Variants in RANBP9 observed in about 807,000 individuals in gnomAD.
The protein encoded by RANBP9 is ran-binding protein 9.
In RANBP9, 15 loss-of-function variants were observed where a neutral mutation model predicts 84.3. That is an observed-to-expected ratio of 0.18 (90% CI 0.12 to 0.27). RANBP9 has a LOEUF of 0.27. RANBP9 is among the 10% of genes least tolerant of loss of function. The probability of loss-of-function intolerance (pLI) is 1.00; values close to 1 mark genes in which losing one functional copy is unlikely to be tolerated. For missense variants in RANBP9, 809 were observed against 912.8 expected (o/e 0.89, Z 1.46); for synonymous variants, 392 against 349.6 (o/e 1.12, Z -1.35).
At chr6:13,697,455 C>T (rs1353513919) in intron 1 of RANBP9, among the ~76,000 whole-genome samples, 2 of 152,180 alleles carry the variant, frequency 1.3e-5, no homozygotes, top group African/African-American at 2.4e-5. Flanking sequence ...CATAAAATCT[C>T]TTGGGCCAAT....
chr6:13,649,276 T>G lies in RANBP9; in HGVS notation c.927+3383A>C, dbSNP rs968166447. On this transcript the variant is annotated intron_variant, in intron 5 of 13. Transcript: ENST00000011619. ...ACTGTACCCATTGTTACAACAAAGT[T>G]GCACATGATCATTGGCTACCTGAGG... 3.3e-5 allele frequency among the ~76,000 whole-genome samples: 5 copies of G among 152,204 alleles called. No individual in the cohort carries two copies. The East Asian group carries it at 9.7e-4, about 29-fold the overall frequency.
intron 2 of RANBP9, among the ~76,000 whole-genome samples, chr6:13,676,644 T>A (rs943300227): frequency 1.3e-5 from 2 of 151,910 alleles, no homozygotes; most frequent in African/African-American, 4.8e-5. Flanking sequence ...TAAATTAAAA[T>A]TTTAAAAAAA....
At chr6:13,638,860 G>C (rs114126220) in intron 9 of RANBP9, among the ~76,000 whole-genome samples, 5 of 152,136 alleles carry the variant, frequency 3.3e-5, no homozygotes, top group Admixed American at 1.3e-4. Flanking sequence ...GGTTGGGGGT[G>C]GGGGGAGAGG....
intron 3 of RANBP9, among the ~76,000 whole-genome samples, chr6:13,658,534 C>T (rs1765462547): frequency 1.3e-5 from 2 of 152,146 alleles, no homozygotes; most frequent in African/African-American, 4.8e-5. Context: ...CGCTTGATCC[C>T]AGGAGGCAGA....
intron 5 of RANBP9, among the ~76,000 whole-genome samples, chr6:13,648,773 G>T (rs996642570): frequency 3.9e-5 from 6 of 152,130 alleles, no homozygotes; most frequent in Non-Finnish European, 8.8e-5. Context: ...TCAGTGCCCA[G>T]AATTCGAAAA....
chr6:13,691,944 G>A (rs1317093057), intron 2 of RANBP9, among the ~76,000 whole-genome samples: 5 of 152,162 alleles, frequency 3.3e-5, no homozygotes, highest in African/African-American at 7.2e-5. Flanking sequence ...AAAGGCTAGA[G>A]CCACTGTGCC....
intron 2 of RANBP9, among the ~76,000 whole-genome samples, chr6:13,693,576 G>A (rs1292542183): frequency 6.6e-6 from 1 of 151,956 alleles, no homozygotes; most frequent in Non-Finnish European, 1.5e-5. Context: ...GTGAAACCCC[G>A]ACTCTACTAA....
At chr6:13,680,048 T>C (rs1269463324) in intron 2 of RANBP9, among the ~76,000 whole-genome samples, 1 of 152,034 alleles carries the variant, frequency 6.6e-6, no homozygotes, top group Non-Finnish European at 1.5e-5. Context: ...GGAAAGAGAA[T>C]GGAGGAAATT....
At chr6:13,710,875 G>A (rs1454532595) in intron 1 of RANBP9, 60 bp downstream of exon 1, 1 of 1,508,700 alleles carries the variant, frequency 6.6e-7, no homozygotes, top group Non-Finnish European at 8.9e-7. Flanking sequence ...GAGCGGCGCA[G>A]CGGCGGCCGG....
chr6:13,707,653 C>G (rs1758160302), intron 1 of RANBP9, among the ~76,000 whole-genome samples: 1 of 152,200 alleles, frequency 6.6e-6, no homozygotes, highest in Non-Finnish European at 1.5e-5. Context: ...CCTCCAGGTT[C>G]TACCACTCTC....
rs186241724 is a variant in RANBP9, at chr6:13,637,124, G to T, written c.1673+684C>A. On this transcript the variant is annotated intron_variant, in intron 10 of 13. Coordinates refer to ENST00000011619, the MANE Select transcript of RANBP9 (RefSeq NM_005493.3). ...ATAATGTCACTTCATGAACTTTTAG[G>T]TTTCATAAATATTAAACCTGAGTAT... 3.7e-4 allele frequency among the ~76,000 whole-genome samples: 57 copies of T among 152,156 alleles called. No individual in the cohort carries two copies. In the East Asian group the frequency reaches 6.4e-3, roughly 17 times the overall value.
At chr6:13,649,607 T>C (rs1765250037) in intron 5 of RANBP9, among the ~76,000 whole-genome samples, 1 of 152,098 alleles carries the variant, frequency 6.6e-6, no homozygotes, top group African/African-American at 2.4e-5. Context: ...GTCCCCACAA[T>C]GCTCTTCTCA....
At position 13,670,424 on chromosome 6, in the gene RANBP9, G is replaced by A. The variant is rs149231416; in HGVS notation, c.684-11592C>T. On this transcript the variant is annotated intron_variant, in intron 2 of 13. Coordinates refer to ENST00000011619, the MANE Select transcript of RANBP9 (RefSeq NM_005493.3). The stretch of plus-strand genomic sequence containing the variant: ...TATGAAACTCTTAGATGAAAACACA[G>A]ATGTAAGTCTTTCTGATAGTGGCTT... Among the ~76,000 whole-genome samples, 140 of 152,298 alleles carry A rather than the reference G, an allele frequency of 9.2e-4. 3 individuals are homozygous for A. The East Asian group carries it at 0.02, about 22-fold the overall frequency.
At chr6:13,697,804 C>T (rs1757877199) in intron 1 of RANBP9, among the ~76,000 whole-genome samples, 1 of 152,140 alleles carries the variant, frequency 6.6e-6, no homozygotes, top group Non-Finnish European at 1.5e-5. Context: ...GTCTCCATAT[C>T]CCCAAAAGGA....
chr6:13,673,902 G>A (rs555559561), intron 2 of RANBP9, among the ~76,000 whole-genome samples: 2 of 152,042 alleles, frequency 1.3e-5, no homozygotes, highest in Admixed American at 1.3e-4. Context: ...GGCCTACATG[G>A]CAAAATCCCA....
intron 1 of RANBP9, among the ~76,000 whole-genome samples, chr6:13,709,518 C>T (rs977984112): frequency 6.6e-6 from 1 of 152,182 alleles, no homozygotes; most frequent in African/African-American, 2.4e-5. Flanking sequence ...ACCGTTCACA[C>T]AAATTAAAAC....
intron 2 of RANBP9, among the ~76,000 whole-genome samples, chr6:13,685,584 C>T (rs956404324): frequency 1.3e-5 from 2 of 151,112 alleles, no homozygotes; most frequent in East Asian, 3.9e-4. Flanking sequence ...CCCTGTCTCC[C>T]CAAAAATACT....
At chr6:13,677,478 A>G (rs1408124774) in intron 2 of RANBP9, among the ~76,000 whole-genome samples, 2 of 152,180 alleles carry the variant, frequency 1.3e-5, no homozygotes, top group African/African-American at 4.8e-5. Context: ...TTTTTATCTT[A>G]CAAGACCTAA....
In RANBP9 at chr6:13,622,470, T is replaced by C. The variant is rs1190745824; in HGVS notation, c.2082A>G (p.Gln694=). The change falls in exon 14 of 14, where the codon CAA becomes CAG. Residue 694 remains glutamine (Q), a synonymous_variant. Coordinates refer to ENST00000011619, the MANE Select transcript of RANBP9 (RefSeq NM_005493.3). ...AILETHNLPK[Q]PPLALAMGQA... is the part of the protein sequence containing the mutation. ...GTCCCATTGCTAGGGCAAGTGGAGG[T>C]TGCTTTGGCAGATTGTGGGTTTCTG... The C allele has an allele frequency of 2.5e-6, 4 of 1,585,688 alleles. No individual in the cohort carries two copies. The highest frequency in any genetic ancestry group is 2.3e-5 in the South Asian group (2 of 86,568).
Sources: allele counts gnomAD v4.1 joint callset (sites outside exome capture counted in the v4.1 genomes callset), GRCh38; gene constraint gnomAD v4.1.1; transcripts MANE v1.5; gene names NCBI Gene and HGNC (gene_info 2026-07-23, HGNC 2026-07-21).